Variants in SUPT3H observed in about 807,000 individuals in gnomAD.
SUPT3H encodes the protein SPT3 homolog, SAGA and STAGA complex component.
A neutral mutation model predicts 44.3 loss-of-function variants in SUPT3H; 44 were observed. The observed-to-expected ratio is 0.99, with a 90% CI of 0.78 to 1.28. SUPT3H has a LOEUF of 1.28. SUPT3H is among the 50% of genes most tolerant of loss of function. The pLI is 0.00. For synonymous variants in SUPT3H, 124 were observed against 125.6 expected (o/e 0.99, Z 0.09); for missense variants, 380 against 387.1 (o/e 0.98, Z 0.15).
intron 2 of SUPT3H, among the ~76,000 whole-genome samples, chr6:45,141,691 T>G (rs960504423): frequency 6.6e-6 from 1 of 151,922 alleles, no homozygotes; most frequent in African/African-American, 2.4e-5. Flanking sequence ...TCCAAGAAAT[T>G]TGAGATTATG....
At chr6:45,188,314 T>G (rs1444368953) in intron 2 of SUPT3H, among the ~76,000 whole-genome samples, 4 of 152,254 alleles carry the variant, frequency 2.6e-5, no homozygotes, top group Non-Finnish European at 4.4e-5. Flanking sequence ...AGACGTATAG[T>G]AAGAACGAAT....
rs1339713402 is a variant in SUPT3H, at chr6:45,158,296, ATAT to A, written c.102-52293_102-52291del. ...TATACATATATATATATATATATATATATTTTTTTTTTTTTTTTTTTGAGATGG... is the reference window on the plus strand; with the variant it reads ...TATACATATATATATATATATATATATTTTTTTTTTTTTTTTTTGAGATGG... On this transcript the variant is annotated intron_variant, in intron 2 of 10. Coordinates refer to ENST00000371459, the MANE Select transcript of SUPT3H (RefSeq NM_003599.4). 1.3e-3 allele frequency among the ~76,000 whole-genome samples: 93 copies of A among 72,010 alleles called. 4 individuals carry two copies. The highest frequency in any genetic ancestry group is 6.7e-3 in the African/African-American group (63 of 9,456). 47.2% of individuals were successfully genotyped at this position (72,010 alleles called of 152,430 possible).
intron 2 of SUPT3H, among the ~76,000 whole-genome samples, chr6:45,282,487 T>C (rs1413314439): frequency 2.0e-5 from 3 of 152,174 alleles, no homozygotes; most frequent in East Asian, 3.9e-4. Flanking sequence ...AGGGTATCAG[T>C]GATGGAAGAT....
At chr6:44,832,703 T>A (rs908877027) in intron 10 of SUPT3H, among the ~76,000 whole-genome samples, 1 of 152,150 alleles carries the variant, frequency 6.6e-6, no homozygotes, top group African/African-American at 2.4e-5. Flanking sequence ...CCATTTTTTT[T>A]AATTGAGGAC....
chr6:44,888,874 C>G (rs1244645558), intron 10 of SUPT3H, among the ~76,000 whole-genome samples: 2 of 143,098 alleles, frequency 1.4e-5, no homozygotes, highest in Non-Finnish European at 3.0e-5. Flanking sequence ...ACCCCATCGT[C>G]TCAGCCCAAA....
At chr6:44,905,931 A>C (rs141592354) in intron 10 of SUPT3H, among the ~76,000 whole-genome samples, 212 of 152,292 alleles carry the variant, frequency 1.4e-3, no homozygotes, top group African/African-American at 5.0e-3. Flanking sequence ...AGGACAAAAA[A>C]ACCAAACACC....
intron 5 of SUPT3H, among the ~76,000 whole-genome samples, chr6:45,014,326 G>C (rs1338555573): frequency 6.6e-6 from 1 of 152,048 alleles, no homozygotes; most frequent in Non-Finnish European, 1.5e-5. Context: ...GAAGCATGGT[G>C]TTAACTGCTA....
At chr6:45,295,763 C>T (rs1472014929) in intron 2 of SUPT3H, among the ~76,000 whole-genome samples, 2 of 152,026 alleles carry the variant, frequency 1.3e-5, no homozygotes, top group Admixed American at 1.3e-4. Flanking sequence ...AAATGCTCAA[C>T]ATCACTAATG....
At chr6:45,026,157 T>A (rs1785968307) in intron 3 of SUPT3H, among the ~76,000 whole-genome samples, 1 of 152,160 alleles carries the variant, frequency 6.6e-6, no homozygotes, top group African/African-American at 2.4e-5. Flanking sequence ...TCATTATCCA[T>A]CAGGCCAGAT....
intron 6 of SUPT3H, among the ~76,000 whole-genome samples, chr6:44,997,709 T>C (rs991724456): frequency 6.6e-6 from 1 of 151,874 alleles, no homozygotes; most frequent in African/African-American, 2.4e-5. Context: ...GTGGTAACAG[T>C]GGGCATTCCA....
chr6:45,108,777 G>A (rs1419526746), intron 2 of SUPT3H, among the ~76,000 whole-genome samples: 1 of 151,876 alleles, frequency 6.6e-6, no homozygotes, highest in Non-Finnish European at 1.5e-5. Context: ...TCAATATAAG[G>A]ATAACTATTA....
chr6:44,964,138 G>C (rs965119391), intron 6 of SUPT3H, among the ~76,000 whole-genome samples: 5 of 152,062 alleles, frequency 3.3e-5, no homozygotes, highest in Admixed American at 1.3e-4. Flanking sequence ...AACTACTCAC[G>C]TTTGAATTTC....
chr6:44,888,085 T>A (rs1456283286), intron 10 of SUPT3H, among the ~76,000 whole-genome samples: 1 of 152,186 alleles, frequency 6.6e-6, no homozygotes, highest in East Asian at 1.9e-4. Flanking sequence ...AATCTCTGAA[T>A]AGACCAATAA....
intron 10 of SUPT3H, among the ~76,000 whole-genome samples, chr6:44,920,026 A>G (rs1189772814): frequency 6.6e-6 from 1 of 151,772 alleles, no homozygotes; most frequent in Non-Finnish European, 1.5e-5. Context: ...TTACAGGCGC[A>G]TGCCACCACA....
rs778836533 is a variant in SUPT3H at position 45,003,734 on chromosome 6, G to A, written c.423C>T (p.Leu141=). Residue 141 remains leucine (L), a synonymous_variant, in exon 6 of 11, where the codon CTC becomes CTT. Coordinates refer to ENST00000371459, the MANE Select transcript of SUPT3H (RefSeq NM_003599.4). ...NKRQKIAQDF[L]NSIDQTGELL... ...GTTCTCCTGTCTGGTCAATAGAGTT[G>A]AGGAAGTCCTGAGCAATCTTTTGTC... The A allele has an allele frequency of 1.2e-5, 20 of 1,613,726 alleles. No homozygotes were observed. The highest frequency in any genetic ancestry group is 1.6e-5 in the Non-Finnish European group (19 of 1,179,840).
At chr6:44,962,929 C>T (rs565425957) in intron 6 of SUPT3H, among the ~76,000 whole-genome samples, 4 of 152,036 alleles carry the variant, frequency 2.6e-5, no homozygotes, top group African/African-American at 9.6e-5. Flanking sequence ...TCCCTTCCTT[C>T]ATTCCTTACC....
intron 2 of SUPT3H, among the ~76,000 whole-genome samples, chr6:45,269,847 T>C (rs1775840075): frequency 6.6e-6 from 1 of 152,196 alleles, no homozygotes; most frequent in African/African-American, 2.4e-5. Context: ...ATATTCATAG[T>C]TGTGCAACCA....
At chr6:44,860,807 T>TA (rs1189210300) in intron 10 of SUPT3H, among the ~76,000 whole-genome samples, 15 of 152,226 alleles carry the variant, frequency 9.9e-5, no homozygotes, top group Non-Finnish European at 2.1e-4. Flanking sequence ...AGAATCTTTT[T>TA]AAAAAAAGTC....
intron 2 of SUPT3H, among the ~76,000 whole-genome samples, chr6:45,152,663 G>A (rs958523014): frequency 6.6e-6 from 1 of 151,852 alleles, no homozygotes; most frequent in Non-Finnish European, 1.5e-5. Context: ...GCTAATTTTT[G>A]TTATTTTTCG....
Sources: allele counts gnomAD v4.1 joint callset (sites outside exome capture counted in the v4.1 genomes callset), GRCh38; gene constraint gnomAD v4.1.1; transcripts MANE v1.5; gene names NCBI Gene and HGNC (gene_info 2026-07-23, HGNC 2026-07-21).